PROSER1: variants seen among roughly 807,000 people sequenced by gnomAD.
PROSER1 encodes the protein proline and serine rich 1, also known as proline and serine-rich protein 1.
In PROSER1, 36 loss-of-function variants were observed where a neutral mutation model predicts 71.8. The ratio of observed to expected loss-of-function variants is 0.50; its 90% CI spans 0.38 to 0.66. The LOEUF (loss-of-function observed/expected upper bound fraction) is 0.66. Ranked by LOEUF, PROSER1 falls within the 30% of genes least tolerant of loss-of-function variation. PROSER1 has a pLI of 0.00. For missense variants in PROSER1, 1,107 were observed against 1,135.0 expected, an observed-to-expected ratio of 0.98 and a Z score of 0.35; for synonymous variants, 490 against 452.4, an observed-to-expected ratio of 1.08 and a Z score of -1.06.
At chr13:39,031,272 T>C (rs1435707595) in intron 3 of PROSER1, among the ~76,000 whole-genome samples, 1 of 152,232 alleles carries the variant, frequency 6.6e-6, no homozygotes, top group Non-Finnish European at 1.5e-5. Context: ...ATGGTGACGA[T>C]GGATATTAAA....
chr13:39,028,866 G>A (rs889994380), intron 4 of PROSER1, among the ~76,000 whole-genome samples: 3 of 147,844 alleles, frequency 2.0e-5, no homozygotes, highest in Non-Finnish European at 4.4e-5. Context: ...CAGACTTTCT[G>A]ATATTTAAAG....
chr13:39,034,468 A>G (rs546572171), intron 1 of PROSER1, among the ~76,000 whole-genome samples: 7 of 152,378 alleles, frequency 4.6e-5, no homozygotes, highest in South Asian at 4.1e-4. Context: ...ATTGTAATAG[A>G]TATGATTCAA....
intron 2 of PROSER1, among the ~76,000 whole-genome samples, chr13:39,033,067 C>T (rs928758845): frequency 2.0e-5 from 3 of 152,140 alleles, no homozygotes; most frequent in African/African-American, 7.2e-5. Flanking sequence ...ATTACAGGCA[C>T]CCGCCATCAT....
chr13:39,011,614 A>T (rs1180882705), intron 12 of PROSER1, 127 bp from the exon 13 acceptor site: 2 of 919,910 alleles, frequency 2.2e-6, no homozygotes, highest in African/African-American at 3.4e-5. Flanking sequence ...TCTGAGGCAC[A>T]ATAAAGTCTG....
Position 39,013,935 on chromosome 13 carries a change from T to C in PROSER1, c.1317A>G (p.Thr439=). The part of the protein sequence containing the change: ...FAGLPLPLPP[T]SQGLSNPTPV... ...GAGTCGGGTTGGATAGGCCTTGGGA[T>C]GTTGGTGGTAAGGGCAAAGGGAGCC... The change falls in exon 11 of 13, where the codon ACA becomes ACG. Residue 439 remains threonine, a synonymous_variant. Coordinates refer to ENST00000352251, the MANE Select transcript of PROSER1 (RefSeq NM_025138.5). 6.2e-7 allele frequency: 1 copy of C among 1,614,134 alleles called. No homozygotes were observed. The highest frequency in any genetic ancestry group is 2.2e-5 in the East Asian group (1 of 44,880).
At position 39,010,002 on chromosome 13, in the gene PROSER1, T is replaced by C. The variant is rs753181048; in HGVS notation, c.*1363A>G. The C allele has an allele frequency of 6.6e-5, 10 of 152,620 alleles. No individual in the cohort carries two copies. The highest frequency in any genetic ancestry group is 2.1e-4 in the South Asian group (1 of 4,836). 9.5% of individuals were successfully genotyped at this position (152,620 alleles called of 1,614,324 possible). On this transcript the variant is annotated 3_prime_UTR_variant, in exon 13 of 13. Transcript: ENST00000352251. The stretch of plus-strand genomic sequence containing the variant: ...TGTCTGTTCATATGTTGGTTATGAC[T>C]TTTACATTAAAATATCATTTAAACG...
At chr13:39,012,580 C>G (rs1004918536) in intron 11 of PROSER1, 111 bp downstream of exon 11, 2 of 933,302 alleles carry the variant, frequency 2.1e-6, no homozygotes, top group Non-Finnish European at 3.2e-6. Flanking sequence ...AAGTTTTCAC[C>G]CAGAAAAACA....
In PROSER1 at chr13:39,013,764, C is replaced by G. The variant is rs371696245; in HGVS notation, c.1488G>C (p.Gly496=). 1.9e-6 allele frequency: 3 copies of G among 1,614,122 alleles called. No homozygotes were observed. The Admixed American group carries it at 5.0e-5, about 27-fold the overall frequency. ...GAGTAAGAGAAGATAGTGAAGCCAGCCCACTTGTGACAGCAGAGGATAAAG... is the reference window on the plus strand; with the variant it reads ...GAGTAAGAGAAGATAGTGAAGCCAGGCCACTTGTGACAGCAGAGGATAAAG... The part of the protein sequence containing the change: ...SSALSSAVTS[G]LASLSSLTLQ... Residue 496 remains glycine, a synonymous_variant, in exon 11 of 13, where the codon GGG becomes GGC. Transcript: ENST00000352251.
At chr13:39,022,848 A>G (rs1384073516) in intron 8 of PROSER1, 1 of 466,288 alleles carries the variant, frequency 2.1e-6, no homozygotes, top group Non-Finnish European at 3.8e-6. Flanking sequence ...TAATTAATTT[A>G]TCATAAAGAA....
In PROSER1 at chr13:39,012,886, G is replaced by A. The variant is rs746037879; in HGVS notation, c.2366C>T (p.Pro789Leu). 8 of 1,614,162 alleles carry A rather than the reference G, an allele frequency of 5.0e-6. No individual in the cohort carries two copies. In the South Asian group the frequency reaches 8.8e-5, roughly 18 times the overall value. Residue 789 changes from proline (P) to leucine (L), a missense_variant, in exon 11 of 13, where the codon CCA becomes CTA. Physicochemically the swap from Pro to Leu is moderately conservative, Grantham distance 98 (BLOSUM62 -3). Transcript: ENST00000352251. ...GPLSSSNPSY[P>L]GFSVSNTPSV... ...TGGGGTATTAGAGACAGAAAAGCCT[G>A]GATAGGAGGGATTTGAAGATGACAG...
At chr13:39,021,454 G>A (rs983477097) in intron 9 of PROSER1, among the ~76,000 whole-genome samples, 2 of 151,618 alleles carry the variant, frequency 1.3e-5, no homozygotes, top group African/African-American at 2.4e-5. Context: ...ATCTCTCTTG[G>A]GTTCTCTGTG....
chr13:39,023,238 A>G (rs973265847), intron 7 of PROSER1, 108 bp from the exon 8 acceptor site: 3 of 778,890 alleles, frequency 3.9e-6, no homozygotes, highest in Middle Eastern at 4.7e-4. Context: ...ATGTCCCCGC[A>G]TATCATACTA....
intron 6 of PROSER1, among the ~76,000 whole-genome samples, chr13:39,025,722 G>A (rs571835128): frequency 1.1e-4 from 17 of 152,182 alleles, no homozygotes; most frequent in Admixed American, 7.9e-4. Context: ...CCAGCTAAGC[G>A]TTCCAATATT....
At chr13:39,012,050 A>G in intron 12 of PROSER1, 33 bp downstream of exon 12, 1 of 1,602,282 alleles carries the variant, frequency 6.2e-7, no homozygotes, top group Non-Finnish European at 8.5e-7. Flanking sequence ...TATACATGTT[A>G]CCATGTAATT....
Position 39,029,391 on chromosome 13 carries a change from AT to A in PROSER1, c.181-17del. On this transcript the variant is annotated splice_polypyrimidine_tract_variant and intron_variant, in intron 3 of 12. Coordinates refer to ENST00000352251, the MANE Select transcript of PROSER1 (RefSeq NM_025138.5). ...CCACCATTTTCTGTTGATATAAAAA[AT>A]AATTTTATTTTTAACGTGAAATTTT... 1 of 1,366,008 alleles carries A rather than the reference AT, an allele frequency of 7.3e-7. No individual in the cohort carries two copies. Among genetic ancestry groups the A allele is most frequent in the Non-Finnish European group, 9.8e-7 (1 of 1,024,766 alleles). The allele number at this position is 1,366,008 out of a possible 1,614,324, so 84.6% of individuals were successfully genotyped here. A position where few individuals can be genotyped will look rare whatever the true frequency, so the allele number is the denominator to read the frequency against.
chr13:39,012,802 G>A lies in PROSER1; in HGVS notation c.2450C>T (p.Ala817Val). 6.2e-7 allele frequency: 1 copy of A among 1,614,208 alleles called. No individual in the cohort carries two copies. The highest frequency in any genetic ancestry group is 1.1e-5 in the South Asian group (1 of 91,084). The change falls in exon 11 of 13, where the codon GCT becomes GTT. Residue 817 changes from alanine to valine, a missense_variant. Physicochemically the swap from Ala to Val is moderately conservative, Grantham distance 64. Coordinates refer to ENST00000352251, the MANE Select transcript of PROSER1 (RefSeq NM_025138.5). ...GGCAGCCACAGGTAGTGGTGTGACA[G>A]CTGCGACTGTAGAGGGCGCCTGCAG... ...PGLQAPSTVA[A>V]VTPLPVAATA...
chr13:39,024,973 C>T (rs1019078267), intron 6 of PROSER1, among the ~76,000 whole-genome samples: 4 of 152,054 alleles, frequency 2.6e-5, no homozygotes, highest in African/African-American at 7.2e-5. Context: ...CTTATAATAC[C>T]GAATACAATG....
chr13:39,023,831 G>A, intron 7 of PROSER1: 1 of 152,634 alleles, frequency 6.6e-6, no homozygotes, highest in South Asian at 2.1e-4. Context: ...GAGAGAGCAT[G>A]TGCATGCCTG....
chr13:39,028,151 GAAGA>G (rs1336617701), intron 5 of PROSER1, 72 bp downstream of exon 5: 1 of 749,430 alleles, frequency 1.3e-6, no homozygotes, highest in African/African-American at 1.8e-5. Context: ...AAGTTAGTAA[GAAGA>G]AAGGTGCTTT....
Sources: allele counts gnomAD v4.1 joint callset (sites outside exome capture counted in the v4.1 genomes callset), GRCh38; gene constraint gnomAD v4.1.1; transcripts MANE v1.5; gene names NCBI Gene and HGNC (gene_info 2026-07-23, HGNC 2026-07-21).